Variants in SULT4A1 observed in about 807,000 individuals in gnomAD.
The protein encoded by SULT4A1 is sulfotransferase family 4A member 1, also known as sulfotransferase 4A1.
Under a neutral mutation model 35.2 loss-of-function variants are expected in SULT4A1, and 11 were observed. That is an observed-to-expected ratio of 0.31 (90% CI 0.20 to 0.52). The LOEUF is 0.52. Ranked by LOEUF, SULT4A1 falls within the 20% of genes least tolerant of loss-of-function variation. SULT4A1 has a pLI of 0.97. For synonymous variants in SULT4A1, 152 were observed against 151.8 expected (o/e 1.00, Z -0.01); for missense variants, 271 against 383.7 (o/e 0.71, Z 2.45).
chr22:43,852,641 T>G (rs1225015520), intron 1 of SULT4A1, among the ~76,000 whole-genome samples: 2 of 152,092 alleles, frequency 1.3e-5, no homozygotes, highest in African/African-American at 4.8e-5. Flanking sequence ...GTTAAACGCC[T>G]GCTGCGGCCA....
intron 5 of SULT4A1, among the ~76,000 whole-genome samples, chr22:43,832,878 A>T (rs1201255915): frequency 6.6e-6 from 1 of 150,732 alleles, no homozygotes; most frequent in Non-Finnish European, 1.5e-5. Context: ...CTCCCAGCAG[A>T]CCTCCTCCCC....
At chr22:43,828,626 C>T (rs2063304561) in intron 6 of SULT4A1, among the ~76,000 whole-genome samples, 1 of 152,234 alleles carries the variant, frequency 6.6e-6, no homozygotes, top group Non-Finnish European at 1.5e-5. Flanking sequence ...ACTTCCCGCC[C>T]ACTTCATTTA....
intron 4 of SULT4A1, among the ~76,000 whole-genome samples, chr22:43,837,761 C>A (rs909951401): frequency 2.6e-5 from 4 of 152,212 alleles, no homozygotes; most frequent in African/African-American, 9.6e-5. Context: ...TTCAACCAGG[C>A]CTGGCAGCAG....
chr22:43,861,339 G>A (rs1183392222), intron 1 of SULT4A1, among the ~76,000 whole-genome samples: 1 of 152,190 alleles, frequency 6.6e-6, no homozygotes, highest in Non-Finnish European at 1.5e-5. Flanking sequence ...CTCAAATACA[G>A]TGGCAACAAG....
intron 1 of SULT4A1, among the ~76,000 whole-genome samples, chr22:43,845,635 C>T (rs1157528934): frequency 6.6e-6 from 1 of 151,890 alleles, no homozygotes; most frequent in African/African-American, 2.4e-5. Flanking sequence ...ACTCTGCCTT[C>T]TAGTCCAGGG....
chr22:43,833,135 G>A (rs1365829191), intron 5 of SULT4A1, among the ~76,000 whole-genome samples: 1 of 151,982 alleles, frequency 6.6e-6, no homozygotes, highest in Non-Finnish European at 1.5e-5. Flanking sequence ...AAGCCCCTCT[G>A]CCTAGGCTCC....
intron 2 of SULT4A1, among the ~76,000 whole-genome samples, chr22:43,840,813 C>T (rs1042048615): frequency 9.2e-5 from 14 of 152,236 alleles, no homozygotes; most frequent in South Asian, 2.1e-4. Flanking sequence ...AGCCCGGAAC[C>T]GTTGCCTGCA....
chr22:43,851,976 A>G (rs1481052610), intron 1 of SULT4A1, among the ~76,000 whole-genome samples: 1 of 151,976 alleles, frequency 6.6e-6, no homozygotes, highest in Admixed American at 6.6e-5. Flanking sequence ...TGGGTTTCTA[A>G]TCCACCACGC....
intron 1 of SULT4A1, among the ~76,000 whole-genome samples, chr22:43,859,766 C>T (rs565578515): frequency 3.3e-5 from 5 of 152,204 alleles, no homozygotes; most frequent in Non-Finnish European, 5.9e-5. Context: ...TCCATATCTG[C>T]GCCACCCAAT....
At chr22:43,847,494 T>C (rs1247851866) in intron 1 of SULT4A1, among the ~76,000 whole-genome samples, 5 of 152,204 alleles carry the variant, frequency 3.3e-5, no homozygotes, top group Non-Finnish European at 7.4e-5. Context: ...GCATGAGCCC[T>C]GCACAGCCCC....
chr22:43,834,306 C>G (rs1448495492), intron 4 of SULT4A1, among the ~76,000 whole-genome samples: 3 of 147,684 alleles, frequency 2.0e-5, no homozygotes, highest in African/African-American at 7.6e-5. Context: ...TCCCGCGCCC[C>G]CACCGCGTCC....
At chr22:43,856,770 C>T (rs1210482718) in intron 1 of SULT4A1, among the ~76,000 whole-genome samples, 1 of 152,202 alleles carries the variant, frequency 6.6e-6, no homozygotes, top group South Asian at 2.1e-4. Context: ...CAGATCAACA[C>T]CCGAACCCAA....
intron 1 of SULT4A1, among the ~76,000 whole-genome samples, chr22:43,856,413 C>A (rs558937804): frequency 2.0e-5 from 3 of 152,184 alleles, no homozygotes; most frequent in African/African-American, 7.2e-5. Flanking sequence ...GAGTTACCAT[C>A]CAGGCAGTTT....
intron 1 of SULT4A1, among the ~76,000 whole-genome samples, chr22:43,849,289 G>A (rs567738527): frequency 6.6e-6 from 1 of 152,152 alleles, no homozygotes; most frequent in African/African-American, 2.4e-5. Context: ...AGGGACAGGG[G>A]GCAGGGAAAG....
chr22:43,855,541 A>G (rs2148306267), intron 1 of SULT4A1, among the ~76,000 whole-genome samples: 1 of 152,234 alleles, frequency 6.6e-6, no homozygotes, highest in East Asian at 1.9e-4. Flanking sequence ...AGCTTCCAGA[A>G]AATGCCAGCA....
chr22:43,862,261 A>C lies in SULT4A1; in HGVS notation c.122T>G (p.Phe41Cys). The C allele has an allele frequency of 6.4e-7, 1 of 1,568,308 alleles. No individual in the cohort carries two copies. Among genetic ancestry groups the C allele is most frequent in the Non-Finnish European group, 8.6e-7 (1 of 1,156,886 alleles). Residue 41 changes from phenylalanine (F) to cysteine (C), a missense_variant, in exon 1 of 7, where the codon TTC becomes TGC. Physicochemically the swap from Phe to Cys is radical, Grantham distance 205. Transcript: ENST00000330884. Reference sequence around the variant, plus strand: ...CCACACGTCGCTGGGCCGCACCGGGAAGTTGGCGATCTCCTCCATCTTCCC... The same window carrying C: ...CCACACGTCGCTGGGCCGCACCGGGCAGTTGGCGATCTCCTCCATCTTCCC... ...CRGKMEEIAN[F>C]PVRPSDVWIV...
At chr22:43,827,619 T>A (rs1299508739) in intron 6 of SULT4A1, 1 of 1,366,466 alleles carries the variant, frequency 7.3e-7, no homozygotes, top group South Asian at 1.1e-5. Flanking sequence ...CAAGAAGATC[T>A]TCCGAGCAAA....
chr22:43,853,975 A>AG (rs71313367), intron 1 of SULT4A1, among the ~76,000 whole-genome samples: 35,889 of 152,188 alleles, frequency 0.24, 4,458 homozygotes, highest in African/African-American at 0.32. Flanking sequence ...CTTAAGGATG[A>AG]GGGAGAAACT....
At chr22:43,827,614 A>G (rs757355929) in intron 6 of SULT4A1, 1 of 1,366,434 alleles carries the variant, frequency 7.3e-7, no homozygotes, top group Admixed American at 1.9e-5. Context: ...CAACTCAAGA[A>G]GATCTTCCGA....
Sources: gnomAD v4.1 joint callset for allele counts (sites outside exome capture counted in the v4.1 genomes callset) on GRCh38, gnomAD v4.1.1 for gene constraint, MANE v1.5 for transcripts, NCBI Gene and HGNC (gene_info 2026-07-23, HGNC 2026-07-21) for gene names.